The following DRC8 variants were observed in gnomAD, a reference collection of about 807,000 sequenced individuals.
DRC8 encodes the protein dynein regulatory complex subunit 8.
the DRC8 span, among the ~76,000 whole-genome samples, chr1:245,067,158 A>T: frequency 2.0e-5 from 3 of 151,984 alleles, no homozygotes; most frequent in Non-Finnish European, 4.4e-5. Context: ...ACAGAGTCTC[A>T]CTTTGTCGCC....
the DRC8 span, among the ~76,000 whole-genome samples, chr1:245,094,692 G>A: frequency 7.2e-5 from 11 of 152,278 alleles, no homozygotes; most frequent in African/African-American, 1.7e-4. Context: ...AGATGGCTAC[G>A]TTAGAGAATC....
chr1:245,060,412 C>T, the DRC8 span, among the ~76,000 whole-genome samples: 1 of 152,180 alleles, frequency 6.6e-6, no homozygotes, highest in Non-Finnish European at 1.5e-5. Flanking sequence ...GTCTGCTGCA[C>T]AGATATTAGC....
At chr1:245,024,085 G>A in the DRC8 span, among the ~76,000 whole-genome samples, 512 of 152,146 alleles carry the variant, frequency 3.4e-3, 2 homozygotes, top group African/African-American at 0.012. Flanking sequence ...CAGGAGAATC[G>A]TTTGAACCCG....
the DRC8 span, chr1:245,087,354 A>G: frequency 2.5e-6 from 4 of 1,581,426 alleles, no homozygotes; most frequent in Non-Finnish European, 3.4e-6. Context: ...TGATAGATGA[A>G]AATTAAATGT....
chr1:245,042,843 G>A, the DRC8 span, among the ~76,000 whole-genome samples: 3 of 152,090 alleles, frequency 2.0e-5, no homozygotes, highest in Non-Finnish European at 4.4e-5. Flanking sequence ...CAATGGCACT[G>A]GCTCCCCCTT....
At chr1:245,009,984 C>T in the DRC8 span, among the ~76,000 whole-genome samples, 1 of 152,166 alleles carries the variant, frequency 6.6e-6, no homozygotes, top group Non-Finnish European at 1.5e-5. Flanking sequence ...CCTCAGCTTC[C>T]TAAGTAGCCG....
At chr1:245,107,793 C>G in the DRC8 span, among the ~76,000 whole-genome samples, 4 of 152,180 alleles carry the variant, frequency 2.6e-5, no homozygotes, top group Non-Finnish European at 5.9e-5. Flanking sequence ...GTGACACTCT[C>G]CACTACCAAC....
At chr1:245,073,478 GC>G in the DRC8 span, among the ~76,000 whole-genome samples, 1 of 152,146 alleles carries the variant, frequency 6.6e-6, no homozygotes, top group African/African-American at 2.4e-5. Context: ...TCGTGGGGAT[GC>G]TGATTGTAGG....
At chr1:245,023,699 T>C in the DRC8 span, among the ~76,000 whole-genome samples, 23 of 152,228 alleles carry the variant, frequency 1.5e-4, no homozygotes, top group Non-Finnish European at 2.9e-4. Context: ...TGGCCATTTG[T>C]ACATCTTCTT....
chr1:244,993,155 G>T, the DRC8 span, among the ~76,000 whole-genome samples: 29 of 152,292 alleles, frequency 1.9e-4, no homozygotes, highest in South Asian at 6.2e-4. Context: ...CATTACTTTT[G>T]CTCTATTCTA....
the DRC8 span, among the ~76,000 whole-genome samples, chr1:245,020,358 C>A: frequency 6.6e-6 from 1 of 152,134 alleles, no homozygotes; most frequent in African/African-American, 2.4e-5. Context: ...CTCTGAGGGG[C>A]AGTCCTGAGG....
chr1:245,025,631 G>A, the DRC8 span, among the ~76,000 whole-genome samples: 1 of 152,128 alleles, frequency 6.6e-6, no homozygotes, highest in Non-Finnish European at 1.5e-5. Context: ...ATGCTTCAAT[G>A]CCTTTACAGT....
the DRC8 span, among the ~76,000 whole-genome samples, chr1:245,046,780 G>A: frequency 1.3e-5 from 2 of 152,156 alleles, no homozygotes; most frequent in East Asian, 1.9e-4. Context: ...AGGAAAGGGC[G>A]ATTAATATTT....
chr1:245,083,402 A>G, the DRC8 span: 2 of 1,586,722 alleles, frequency 1.3e-6, no homozygotes, highest in Non-Finnish European at 8.6e-7. Context: ...AGACTGCGGT[A>G]AATACCACGG....
chr1:244,981,860 C>T, the DRC8 span, among the ~76,000 whole-genome samples: 2 of 152,168 alleles, frequency 1.3e-5, no homozygotes, highest in African/African-American at 4.8e-5. Context: ...GTGCATTCTT[C>T]ATAAAAAGGC....
At chr1:244,985,526 G>C in the DRC8 span, among the ~76,000 whole-genome samples, 10 of 152,174 alleles carry the variant, frequency 6.6e-5, no homozygotes, top group Non-Finnish European at 1.5e-4. Context: ...TTTGGGCCCT[G>C]TCCTCTTAGA....
the DRC8 span, among the ~76,000 whole-genome samples, chr1:245,061,849 C>G: frequency 6.6e-6 from 1 of 152,196 alleles, no homozygotes; most frequent in Non-Finnish European, 1.5e-5. Flanking sequence ...CTCACGCCTG[C>G]AATCCCAGCA....
the DRC8 span, among the ~76,000 whole-genome samples, chr1:245,046,891 C>T: frequency 6.6e-6 from 1 of 152,194 alleles, no homozygotes; most frequent in East Asian, 1.9e-4. Flanking sequence ...CAACAAATTG[C>T]CACTGAAAGG....
chr1:245,115,767 G>T, the DRC8 span, among the ~76,000 whole-genome samples: 1 of 152,212 alleles, frequency 6.6e-6, no homozygotes, highest in South Asian at 2.1e-4. Context: ...AAGCACTGCT[G>T]ATGGGCAAAG....
Sources: gnomAD v4.1 joint callset for allele counts (sites outside exome capture counted in the v4.1 genomes callset) on GRCh38, gnomAD v4.1.1 for gene constraint, MANE v1.5 for transcripts, NCBI Gene and HGNC (gene_info 2026-07-23, HGNC 2026-07-21) for gene names.